The following SPIRE2 variants were observed in gnomAD, a reference collection of about 807,000 sequenced individuals.
SPIRE2 encodes protein spire homolog 2.
A neutral mutation model predicts 80.7 loss-of-function variants in SPIRE2; 76 were observed. That is an observed-to-expected ratio of 0.94 (90% confidence interval 0.78 to 1.14). SPIRE2 has a LOEUF of 1.14. Among genes scored for constraint, SPIRE2 ranks in the 50% most tolerant of loss-of-function variants. The pLI, the probability that SPIRE2 is intolerant of heterozygous loss-of-function variation, is 0.00. For synonymous variants in SPIRE2, 535 were observed against 432.6 expected (o/e 1.24, Z -2.94); for missense variants, 1,196 against 1,015.3 (o/e 1.18, Z -2.42).
intron 1 of SPIRE2, among the ~76,000 whole-genome samples, chr16:89,829,433 C>A (rs1013010023): frequency 2.6e-5 from 4 of 152,354 alleles, no homozygotes; most frequent in African/African-American, 9.6e-5. Flanking sequence ...ACGAAAAAAA[C>A]CGAAAGTGAT....
intron 10 of SPIRE2, among the ~76,000 whole-genome samples, chr16:89,861,743 G>A (rs2041746175): frequency 6.6e-6 from 1 of 152,204 alleles, no homozygotes; most frequent in Admixed American, 6.5e-5. Flanking sequence ...GGCTGGAGGA[G>A]CCGTCTGAAG....
chr16:89,868,112 G>T, intron 12 of SPIRE2, 77 bp from the exon 13 acceptor site: 2 of 1,537,810 alleles, frequency 1.3e-6, no homozygotes, highest in Non-Finnish European at 1.8e-6. Context: ...GATGCGTGGA[G>T]GCCGGGATGC....
Position 89,842,208 on chromosome 16 carries a change from A to ATTTTTTTTTTTTTTTTTTTTTT in SPIRE2, c.245-3113_245-3092dup, listed in dbSNP as rs71137682. On this transcript the variant is annotated intron_variant, in intron 1 of 14. Coordinates refer to ENST00000378247, the MANE Select transcript of SPIRE2 (RefSeq NM_032451.2). The stretch of plus-strand genomic sequence containing the variant: ...ATACAATTAGATTCATGAACACGTA[A>ATTTTTTTTTTTTTTTTTTTTTT]TTTTTTTTTTTTTTTTTTTTTTGTG... Among the ~76,000 whole-genome samples, 40 of 81,312 alleles carry ATTTTTTTTTTTTTTTTTTTTTT rather than the reference A, an allele frequency of 4.9e-4. 8 individuals are homozygous for ATTTTTTTTTTTTTTTTTTTTTT. Among genetic ancestry groups the ATTTTTTTTTTTTTTTTTTTTTT allele is most frequent in the East Asian group, 6.4e-4 (1 of 1,568 alleles). 53.3% of individuals were successfully genotyped at this position (81,312 alleles called of 152,430 possible).
In SPIRE2 at chr16:89,863,739, C is replaced by A; in HGVS notation, c.1711-55C>A. 1 of 1,606,108 alleles carries A rather than the reference C, an allele frequency of 6.2e-7. No individual in the cohort carries two copies. The highest frequency in any genetic ancestry group is 1.1e-5 in the South Asian group (1 of 90,898). ...CCCTGAGGGGGTAGCAGGGACAGGGCGGGACCCCAGGGAGCTTTGGACAAA... is the reference window on the plus strand; with the variant it reads ...CCCTGAGGGGGTAGCAGGGACAGGGAGGGACCCCAGGGAGCTTTGGACAAA... On this transcript the variant is annotated intron_variant, in intron 11 of 14. Coordinates refer to ENST00000378247, the MANE Select transcript of SPIRE2 (RefSeq NM_032451.2). This position sits in a 1 kb window ranked among gnomAD's most constrained non-coding sequence, Gnocchi z 4.3.
intron 7 of SPIRE2, among the ~76,000 whole-genome samples, chr16:89,858,126 C>T (rs941285107): frequency 3.9e-5 from 6 of 152,068 alleles, no homozygotes; most frequent in East Asian, 1.9e-4. Context: ...ACCTCGTGAT[C>T]CACCCGCCTT....
At chr16:89,844,886 T>G (rs1198134678) in intron 1 of SPIRE2, among the ~76,000 whole-genome samples, 3 of 152,206 alleles carry the variant, frequency 2.0e-5, no homozygotes, top group African/African-American at 7.2e-5. Flanking sequence ...TCTGGCCTCC[T>G]ACTCCACCTG....
At chr16:89,867,575 A>T (rs1029016459) in intron 12 of SPIRE2, among the ~76,000 whole-genome samples, 1 of 145,010 alleles carries the variant, frequency 6.9e-6, no homozygotes, top group Non-Finnish European at 1.5e-5. Flanking sequence ...CTTAAGAGGG[A>T]CTTTTACCAC....
chr16:89,858,490 G>A lies in SPIRE2; in HGVS notation c.1255G>A (p.Glu419Lys). 1 of 1,602,952 alleles carries A rather than the reference G, an allele frequency of 6.2e-7. No individual in the cohort carries two copies. Residue 419 changes from glutamate (E) to lysine (K), a missense_variant, in exon 8 of 15, where the codon GAG becomes AAG. Glu to Lys is a moderately conservative substitution (Grantham distance 56). Transcript: ENST00000378247. ...LKAPTLAEME[E>K]MNTSEEEESP... is the part of the protein sequence containing the mutation. ...GGCGCCTACCTTGGCTGAAATGGAA[G>A]AGATGAATACATCTGAGGTCAGAAC...
Position 89,863,846 on chromosome 16 carries a change from G to A in SPIRE2, c.1763G>A (p.Cys588Tyr), listed in dbSNP as rs778892449. ...CCGCTGTTCTCGTGGCCGCCCAGCT[G>A]TCTCTTCTGCAAGAGGTGAGCCTTC... Reference protein sequence around the residue: ...KFPLFSWPPSCLFCKRAVCTS... With the variant: ...KFPLFSWPPSYLFCKRAVCTS... The change falls in exon 12 of 15, where the codon TGT becomes TAT. Residue 588 changes from cysteine to tyrosine, a missense_variant. Cys to Tyr is a radical substitution (Grantham distance 194). Coordinates refer to ENST00000378247, the MANE Select transcript of SPIRE2 (RefSeq NM_032451.2). This position sits in a 1 kb window ranked among gnomAD's most constrained non-coding sequence, Gnocchi z 4.3. 5.6e-6 allele frequency: 9 copies of A among 1,613,668 alleles called. No homozygotes were observed. The African/African-American group carries it at 1.2e-4, about 22-fold the overall frequency.
At chr16:89,829,645 G>T (rs974127372) in intron 1 of SPIRE2, among the ~76,000 whole-genome samples, 1 of 151,628 alleles carries the variant, frequency 6.6e-6, no homozygotes, top group Non-Finnish European at 1.5e-5. Context: ...ACAGAGCCAC[G>T]AGGGGTGGGG....
At chr16:89,869,802 A>C in intron 14 of SPIRE2, 120 bp downstream of exon 14, 1 of 805,676 alleles carries the variant, frequency 1.2e-6, no homozygotes, top group South Asian at 1.5e-5. Context: ...GGAAATGGAA[A>C]TGCAAGGCAG....
intron 1 of SPIRE2, among the ~76,000 whole-genome samples, chr16:89,838,012 G>GT (rs1449610374): frequency 2.5e-3 from 377 of 151,556 alleles, no homozygotes; most frequent in African/African-American, 8.3e-3. Flanking sequence ...TTCTTTTTTT[G>GT]TTTTTATTTT....
intron 13 of SPIRE2, among the ~76,000 whole-genome samples, chr16:89,869,083 C>G (rs1287169285): frequency 2.2e-5 from 2 of 91,612 alleles, no homozygotes; most frequent in African/African-American, 8.8e-5. Context: ...TATGTTACCC[C>G]TCAGGCCTCA....
At chr16:89,845,562 G>A in intron 2 of SPIRE2, 197 bp downstream of exon 2, 1 of 709,610 alleles carries the variant, frequency 1.4e-6, no homozygotes, top group Non-Finnish European at 2.6e-6. Flanking sequence ...AGACCGCCGG[G>A]GTGGGGAGGG....
intron 13 of SPIRE2, 139 bp from the exon 14 acceptor site, chr16:89,869,428 G>A: frequency 1.6e-6 from 1 of 638,406 alleles, no homozygotes; most frequent in South Asian, 1.8e-5. Context: ...ACATCGGAGA[G>A]CACAGGGACA....
chr16:89,866,337 G>A (rs2041788839), intron 12 of SPIRE2, among the ~76,000 whole-genome samples: 1 of 151,026 alleles, frequency 6.6e-6, no homozygotes, highest in Admixed American at 6.6e-5. Flanking sequence ...CACTCTTGTT[G>A]CCCAGTCGGA....
intron 5 of SPIRE2, 62 bp from the exon 6 acceptor site, chr16:89,855,538 C>T: frequency 1.4e-6 from 2 of 1,468,180 alleles, no homozygotes; most frequent in East Asian, 4.6e-5. Flanking sequence ...CAGGCCTCTC[C>T]CAGTCGCCCT....
rs7359385 is a variant in SPIRE2, at chr16:89,860,908, G to A, written c.1575+113G>A. ...GTCTGAGCACCTGTCTGGGGGGTGT[G>A]GCCTGAGCGTCCGTCTGGGGGGGCG... On this transcript the variant is annotated intron_variant, in intron 10 of 14. Coordinates refer to ENST00000378247, the MANE Select transcript of SPIRE2 (RefSeq NM_032451.2). The A allele has an allele frequency of 0.014, 8,962 of 645,462 alleles. 693 individuals are homozygous for A. In the African/African-American group the frequency reaches 0.16, roughly 11 times the overall value. 40.0% of individuals were successfully genotyped at this position (645,462 alleles called of 1,614,324 possible). A position where few individuals can be genotyped will look rare whatever the true frequency, so the allele number is the denominator to read the frequency against.
intron 1 of SPIRE2, among the ~76,000 whole-genome samples, chr16:89,832,992 C>CTT (rs869195252): frequency 5.3e-5 from 1 of 18,892 alleles, no homozygotes; most frequent in Non-Finnish European, 8.4e-5. Flanking sequence ...CAGCTGATTT[C>CTT]TTTTTTTTTT....
Sources: allele counts gnomAD v4.1 joint callset (sites outside exome capture counted in the v4.1 genomes callset), GRCh38; gene constraint gnomAD v4.1.1; non-coding constraint Gnocchi (gnomAD v3.1); transcripts MANE v1.5; gene names NCBI Gene and HGNC (gene_info 2026-07-23, HGNC 2026-07-21).